The following BCR variants were observed in gnomAD, a reference collection of about 807,000 sequenced individuals.
The protein encoded by BCR is breakpoint cluster region protein.
Under a neutral mutation model 138.6 loss-of-function variants are expected in BCR, and 58 were observed. That is an observed-to-expected ratio of 0.42 (90% CI 0.34 to 0.52). BCR has a LOEUF of 0.52. BCR is among the 20% of genes least tolerant of loss of function. The pLI, the probability that BCR is intolerant of heterozygous loss-of-function variation, is 0.06. For missense variants in BCR, 1,599 were observed against 1,727.2 expected (o/e 0.93, Z 1.32); for synonymous variants, 786 against 730.1 (o/e 1.08, Z -1.23).
At chr22:23,205,112 A>C (rs1388859487) in intron 1 of BCR, among the ~76,000 whole-genome samples, 2 of 152,192 alleles carry the variant, frequency 1.3e-5, no homozygotes, top group Non-Finnish European at 2.9e-5. Context: ...CTGGGATCAG[A>C]AGGCAAGGTA....
chr22:23,270,136 A>C (rs567086528), intron 5 of BCR, among the ~76,000 whole-genome samples: 2 of 152,322 alleles, frequency 1.3e-5, no homozygotes, highest in South Asian at 4.2e-4. Context: ...GAAAGCAGCA[A>C]GCCCTGCAGA....
At chr22:23,315,342 G>T in intron 22 of BCR, 91 bp from the exon 23 acceptor site, 1 of 1,176,314 alleles carries the variant, frequency 8.5e-7, no homozygotes, top group South Asian at 1.2e-5. Flanking sequence ...CACCTGAGAT[G>T]GACTTGGAGG....
chr22:23,305,296 G>T (rs1200926478), intron 16 of BCR, among the ~76,000 whole-genome samples: 1 of 152,174 alleles, frequency 6.6e-6, no homozygotes, highest in African/African-American at 2.4e-5. Flanking sequence ...GGAACAACTG[G>T]GGTTGCCCTG....
chr22:23,183,571 C>G (rs1371898768), intron 1 of BCR, among the ~76,000 whole-genome samples: 1 of 152,192 alleles, frequency 6.6e-6, no homozygotes, highest in Admixed American at 6.5e-5. Context: ...GAAGGCTGTA[C>G]TATTCAGAAG....
Position 23,289,534 on chromosome 22 carries a change from C to T in BCR, c.2620C>T (p.Leu874=). The change falls in exon 13 of 23, where the codon CTG becomes TTG. Residue 874 remains leucine, a synonymous_variant. Coordinates refer to ENST00000305877, the MANE Select transcript of BCR (RefSeq NM_004327.4). ...CCTCCCAGGTTTCAGAAGCTTCTCCCTGACATCCGTGGAGCTGCAGATGCT... is the reference window on the plus strand; with the variant it reads ...CCTCCCAGGTTTCAGAAGCTTCTCCTTGACATCCGTGGAGCTGCAGATGCT... The part of the protein sequence containing the change: ...QQKKCFRSFS[L]TSVELQMLTN... 1 of 1,614,196 alleles carries T rather than the reference C, an allele frequency of 6.2e-7. No homozygotes were observed. Among genetic ancestry groups the T allele is most frequent in the African/African-American group, 1.3e-5 (1 of 75,066 alleles).
intron 1 of BCR, among the ~76,000 whole-genome samples, chr22:23,209,274 C>A (rs759176686): frequency 6.6e-6 from 1 of 151,878 alleles, no homozygotes; most frequent in South Asian, 2.1e-4. Context: ...GCAGGAGAAT[C>A]GCTTGAGCCC....
intron 1 of BCR, among the ~76,000 whole-genome samples, chr22:23,244,487 G>A (rs1171920341): frequency 6.6e-6 from 1 of 152,102 alleles, no homozygotes; most frequent in Non-Finnish European, 1.5e-5. Context: ...TCAGGGAGAG[G>A]CCCTGCTGTC....
chr22:23,288,885 C>G (rs1003211282), intron 12 of BCR, among the ~76,000 whole-genome samples: 1 of 152,230 alleles, frequency 6.6e-6, no homozygotes, highest in Non-Finnish European at 1.5e-5. Flanking sequence ...TGAGCTGGGG[C>G]TCTGCATGCC....
intron 1 of BCR, among the ~76,000 whole-genome samples, chr22:23,217,334 T>C (rs1602025099): frequency 6.6e-6 from 1 of 152,246 alleles, no homozygotes; most frequent in Non-Finnish European, 1.5e-5. Context: ...GCTCGGCCAG[T>C]GCAGAACCTC....
chr22:23,211,513 T>C (rs541166805), intron 1 of BCR, among the ~76,000 whole-genome samples: 17 of 150,838 alleles, frequency 1.1e-4, no homozygotes, highest in Non-Finnish European at 7.4e-5. Context: ...TTTGAGACAG[T>C]CTCACTCTGT....
At chr22:23,190,836 C>T (rs1189529510) in intron 1 of BCR, among the ~76,000 whole-genome samples, 1 of 152,154 alleles carries the variant, frequency 6.6e-6, no homozygotes, top group Non-Finnish European at 1.5e-5. Flanking sequence ...CGTGTGCTGC[C>T]ATCTCTCTCC....
At chr22:23,204,976 C>T (rs903945675) in intron 1 of BCR, among the ~76,000 whole-genome samples, 5 of 152,158 alleles carry the variant, frequency 3.3e-5, no homozygotes, top group Non-Finnish European at 5.9e-5. Flanking sequence ...AGCAGGCATG[C>T]GTGTGTGGCC....
rs371819772 is a variant in BCR at position 23,222,414 on chromosome 22, A to T, written c.1280-31385A>T. Among the ~76,000 whole-genome samples, 5 of 152,360 alleles carry T rather than the reference A, an allele frequency of 3.3e-5. No individual in the cohort carries two copies. The South Asian group carries it at 1.0e-3, about 32-fold the overall frequency. On this transcript the variant is annotated intron_variant, in intron 1 of 22. Transcript: ENST00000305877. ...GAAGATTAAAATGAGAAGTAAAGTG[A>T]TAGTTCACAGTATGTTGGTGGGAAA...
Position 23,268,432 on chromosome 22 carries a change from G to A in BCR, c.1777G>A (p.Ala593Thr). 6.2e-7 allele frequency: 1 copy of A among 1,613,346 alleles called. No homozygotes were observed. The highest frequency in any genetic ancestry group is 8.5e-7 in the Non-Finnish European group (1 of 1,179,646). ...GGCCAGCCAGCTGGGTGTGTACCGGGCCTTCGTGGACAACTACGGAGTTGC... is the reference window on the plus strand; with the variant it reads ...GGCCAGCCAGCTGGGTGTGTACCGGACCTTCGTGGACAACTACGGAGTTGC... ...KLASQLGVYR[A>T]FVDNYGVAME... is the part of the protein sequence containing the mutation. The change falls in exon 5 of 23, where the codon GCC (alanine) becomes ACC (threonine). Residue 593 changes from alanine (A) to threonine (T), a missense_variant. Transcript: ENST00000305877.
At chr22:23,304,397 A>G (rs1423857868) in intron 16 of BCR, among the ~76,000 whole-genome samples, 2 of 152,106 alleles carry the variant, frequency 1.3e-5, no homozygotes, top group Non-Finnish European at 2.9e-5. Context: ...AGGTTTATTC[A>G]TGTGGTAGCA....
chr22:23,289,910 C>G, intron 13 of BCR: 1 of 531,184 alleles, frequency 1.9e-6, no homozygotes, highest in Non-Finnish European at 3.4e-6. Flanking sequence ...TGCCTTGGAT[C>G]TGGCCCCACT....
chr22:23,181,466 G>C lies in BCR; in HGVS notation c.506G>C (p.Gly169Ala). ...ATCCGCAAGGGCCATGGCCAGCCCG[G>C]GGCGGACGCCGAGAAGCCCTTCTAC... is the stretch of plus-strand genomic sequence containing the variant. Reference protein sequence around the residue: ...ERIRKGHGQPGADAEKPFYVN... With the variant: ...ERIRKGHGQPAADAEKPFYVN... Residue 169 changes from glycine (G) to alanine (A), a missense_variant, in exon 1 of 23, where the codon GGG (glycine) becomes GCG (alanine). Physicochemically the swap from Gly to Ala is moderately conservative, Grantham distance 60. This residue lies in a region of BCR where 806 missense variants were observed against 635.0 expected (regional missense o/e 1.27). Coordinates refer to ENST00000305877, the MANE Select transcript of BCR (RefSeq NM_004327.4). The C allele has an allele frequency of 6.2e-7, 1 of 1,609,022 alleles. No individual in the cohort carries two copies. The highest frequency in any genetic ancestry group is 8.5e-7 in the Non-Finnish European group (1 of 1,177,144).
At position 23,219,274 on chromosome 22, in the gene BCR, C is replaced by T. The variant is rs2072794488; in HGVS notation, c.1280-34525C>T. On this transcript the variant is annotated intron_variant, in intron 1 of 22. Transcript: ENST00000305877. ...AGTGAGTCGGTGAAAGCTGAGCGTG[C>T]CCACCAAAGACACTTGAATGGGCGG... Among the ~76,000 whole-genome samples the T allele has an allele frequency of 2.0e-5, 3 of 152,324 alleles. No homozygotes were observed. The South Asian group carries it at 6.2e-4, about 32-fold the overall frequency.
At chr22:23,190,964 G>A (rs563636317) in intron 1 of BCR, among the ~76,000 whole-genome samples, 63 of 151,524 alleles carry the variant, frequency 4.2e-4, no homozygotes, top group South Asian at 2.5e-3. Flanking sequence ...AAAGGGTCTC[G>A]CTCTGTTGCC....
Sources: allele counts gnomAD v4.1 joint callset (sites outside exome capture counted in the v4.1 genomes callset), GRCh38; gene constraint gnomAD v4.1.1; regional missense constraint gnomAD v4.1.1; transcripts MANE v1.5; gene names NCBI Gene and HGNC (gene_info 2026-07-23, HGNC 2026-07-21).